COG6: variants seen among roughly 807,000 people sequenced by gnomAD.
COG6 encodes the protein component of oligomeric golgi complex 6.
In COG6, 74 loss-of-function variants were observed where a neutral mutation model predicts 88.8. The observed-to-expected ratio is 0.83, with a 90% CI of 0.69 to 1.01. COG6 has a LOEUF of 1.01. Ranked by LOEUF, COG6 falls within the 50% of genes least tolerant of loss-of-function variation. The probability of loss-of-function intolerance (pLI) is 0.00; values close to 1 mark genes in which losing one functional copy is unlikely to be tolerated. For missense variants in COG6, 800 were observed against 797.9 expected (o/e 1.00, Z -0.03); for synonymous variants, 286 against 278.7 (o/e 1.03, Z -0.26).
chr13:39,780,411 C>T (rs2138187350), intron 18 of COG6, among the ~76,000 whole-genome samples: 1 of 152,256 alleles, frequency 6.6e-6, no homozygotes, highest in East Asian at 1.9e-4. Flanking sequence ...CTGACCCTTC[C>T]CTGAAAGAAA....
In COG6 at chr13:39,751,789, C is replaced by T; in HGVS notation, c.*696C>T. The T allele has an allele frequency of 1.6e-6, 2 of 1,287,156 alleles. No homozygotes were observed. The highest frequency in any genetic ancestry group is 1.2e-5 in the South Asian group (1 of 80,932). The allele number at this position is 1,287,156 out of a possible 1,614,324, so 79.7% of individuals were successfully genotyped here. On this transcript the variant is annotated 3_prime_UTR_variant, in exon 19 of 19. Coordinates refer to ENST00000455146, the MANE Select transcript of COG6 (RefSeq NM_020751.3). ...TGATTTAAACAGGGTGGATTCCACT[C>T]TGTGGGAGCCTTCGATGGAACTCAA...
At chr13:39,763,630 A>G (rs1479496107) in intron 18 of COG6, among the ~76,000 whole-genome samples, 1 of 151,756 alleles carries the variant, frequency 6.6e-6, no homozygotes, top group Non-Finnish European at 1.5e-5. Context: ...TTCTTCAACA[A>G]CTGTTGGGAA....
At chr13:39,715,410 A>G (rs1419320490) in intron 13 of COG6, among the ~76,000 whole-genome samples, 4 of 152,014 alleles carry the variant, frequency 2.6e-5, no homozygotes, top group African/African-American at 7.2e-5. Context: ...CTCCTCATCT[A>G]GCTTCCCTGG....
At chr13:39,749,014 A>G (rs1369449279) in intron 18 of COG6, among the ~76,000 whole-genome samples, 2 of 152,224 alleles carry the variant, frequency 1.3e-5, no homozygotes, top group Non-Finnish European at 2.9e-5. Context: ...CTAGAAAAAC[A>G]AAGAATGTGT....
At chr13:39,699,886 T>A (rs1877480956) in intron 13 of COG6, among the ~76,000 whole-genome samples, 1 of 151,856 alleles carries the variant, frequency 6.6e-6, no homozygotes, top group South Asian at 2.1e-4. Context: ...AGAAGTTGTA[T>A]AATTAAAGCA....
At chr13:39,694,014 A>G (rs1877122000) in intron 11 of COG6, among the ~76,000 whole-genome samples, 1 of 151,886 alleles carries the variant, frequency 6.6e-6, no homozygotes, top group East Asian at 1.9e-4. Flanking sequence ...TTAATGAGAT[A>G]ATATAAAAGA....
intron 13 of COG6, among the ~76,000 whole-genome samples, chr13:39,713,544 G>A (rs1878358855): frequency 6.6e-6 from 1 of 152,046 alleles, no homozygotes; most frequent in Non-Finnish European, 1.5e-5. Flanking sequence ...AACCATCCTG[G>A]CTAACAAGGT....
At chr13:39,741,636 C>T (rs1230391882) in intron 18 of COG6, among the ~76,000 whole-genome samples, 2 of 152,040 alleles carry the variant, frequency 1.3e-5, no homozygotes, top group Non-Finnish European at 2.9e-5. Flanking sequence ...GATTGGTGTA[C>T]CTGAAAGTGA....
exon 19 of COG6, chr13:39,789,335 T>A (rs2138196885): frequency 6.6e-6 from 1 of 152,390 alleles, no homozygotes; most frequent in Non-Finnish European, 1.5e-5. Context: ...GATATTTTGA[T>A]TTTGTTGTTA....
At chr13:39,727,610 T>C in intron 18 of COG6, 62 bp downstream of exon 18, 1 of 1,205,462 alleles carries the variant, frequency 8.3e-7, no homozygotes, top group Non-Finnish European at 1.2e-6. Flanking sequence ...ATCAAGTACA[T>C]TTTTTTGGAA....
intron 13 of COG6, among the ~76,000 whole-genome samples, chr13:39,707,163 C>G (rs938123013): frequency 2.0e-5 from 3 of 150,166 alleles, no homozygotes; most frequent in Non-Finnish European, 4.4e-5. Flanking sequence ...GAGTCTCGCT[C>G]TGTCACCAGG....
intron 18 of COG6, among the ~76,000 whole-genome samples, chr13:39,769,867 A>G (rs888635981): frequency 9.9e-5 from 15 of 152,200 alleles, no homozygotes; most frequent in African/African-American, 3.6e-4. Context: ...AGCAGAGAAC[A>G]AGCCCTCACC....
At chr13:39,739,660 T>G (rs1312649452) in intron 18 of COG6, among the ~76,000 whole-genome samples, 1 of 152,126 alleles carries the variant, frequency 6.6e-6, no homozygotes, top group Non-Finnish European at 1.5e-5. Context: ...TGACACTATG[T>G]TGGAATATTG....
chr13:39,728,315 T>G (rs1374909912), intron 18 of COG6, among the ~76,000 whole-genome samples: 4 of 152,176 alleles, frequency 2.6e-5, no homozygotes, highest in African/African-American at 4.8e-5. Context: ...ACAAAACATT[T>G]CAGATATCTA....
At chr13:39,758,774 T>C (rs1306858821) in intron 18 of COG6, among the ~76,000 whole-genome samples, 1 of 152,194 alleles carries the variant, frequency 6.6e-6, no homozygotes, top group Non-Finnish European at 1.5e-5. Flanking sequence ...GACTTTTACA[T>C]GAATATTCAT....
intron 13 of COG6, among the ~76,000 whole-genome samples, chr13:39,714,885 A>G (rs1428001523): frequency 6.6e-6 from 1 of 152,186 alleles, no homozygotes; most frequent in African/African-American, 2.4e-5. Context: ...TCAACTAATC[A>G]GTCGATAAAG....
chr13:39,721,759 T>A (rs140994834), intron 15 of COG6, among the ~76,000 whole-genome samples: 26 of 152,180 alleles, frequency 1.7e-4, no homozygotes, highest in African/African-American at 5.8e-4. Flanking sequence ...AATAACCTAT[T>A]ATTTTTTTCC....
intron 18 of COG6, among the ~76,000 whole-genome samples, chr13:39,764,964 T>G (rs1246583780): frequency 2.0e-5 from 3 of 152,178 alleles, no homozygotes; most frequent in African/African-American, 7.2e-5. Context: ...TAAATAACTA[T>G]GATTGTGGAT....
At chr13:39,666,218 A>G (rs1875253139) in intron 4 of COG6, among the ~76,000 whole-genome samples, 1 of 152,198 alleles carries the variant, frequency 6.6e-6, no homozygotes, top group African/African-American at 2.4e-5. Flanking sequence ...CTTAAAAAAT[A>G]AATTAGAATG....
Sources: gnomAD v4.1 joint callset for allele counts (sites outside exome capture counted in the v4.1 genomes callset) on GRCh38, gnomAD v4.1.1 for gene constraint, MANE v1.5 for transcripts, NCBI Gene and HGNC (gene_info 2026-07-23, HGNC 2026-07-21) for gene names.